Variants in LRRTM4 observed in about 807,000 individuals in gnomAD.
The protein encoded by LRRTM4 is leucine-rich repeat transmembrane neuronal protein 4.
Under a neutral mutation model 47.6 loss-of-function variants are expected in LRRTM4, and 25 were observed. That is an observed-to-expected ratio of 0.53 (90% confidence interval 0.38 to 0.73). The LOEUF is 0.73. Among genes scored for constraint, LRRTM4 ranks in the 30% least tolerant of loss-of-function variants. The pLI is 0.00. For synonymous variants in LRRTM4, 311 were observed against 269.5 expected, an observed-to-expected ratio of 1.15 and a Z score of -1.51; for missense variants, 638 against 713.4, an observed-to-expected ratio of 0.89 and a Z score of 1.20.
intron 3 of LRRTM4, among the ~76,000 whole-genome samples, chr2:77,003,006 C>T (rs1677488988): frequency 6.9e-6 from 1 of 145,410 alleles, no homozygotes; most frequent in Non-Finnish European, 1.5e-5. Flanking sequence ...ACAGTGGTAA[C>T]TTCAGTTATG....
At chr2:77,492,317 T>C (rs1678199576) in intron 3 of LRRTM4, among the ~76,000 whole-genome samples, 1 of 152,100 alleles carries the variant, frequency 6.6e-6, no homozygotes, top group Non-Finnish European at 1.5e-5. Context: ...TGGAGTGCCG[T>C]GGCATGAACA....
At chr2:77,243,265 C>T (rs1043203209) in intron 3 of LRRTM4, among the ~76,000 whole-genome samples, 30 of 151,818 alleles carry the variant, frequency 2.0e-4, no homozygotes, top group Non-Finnish European at 1.3e-4. Flanking sequence ...ACAAAATTAG[C>T]CGGGTGTGGT....
intron 3 of LRRTM4, among the ~76,000 whole-genome samples, chr2:76,852,833 G>T (rs1672037450): frequency 6.6e-6 from 1 of 152,150 alleles, no homozygotes; most frequent in African/African-American, 2.4e-5. Context: ...AAGAACAGGT[G>T]TGGAAAGGAG....
At chr2:77,110,522 C>G (rs577314251) in intron 3 of LRRTM4, among the ~76,000 whole-genome samples, 63 of 152,126 alleles carry the variant, frequency 4.1e-4, no homozygotes, top group Admixed American at 2.1e-3. Context: ...TGGATTTTTA[C>G]TTTATCTTTT....
At chr2:77,384,995 G>A (rs427294) in intron 3 of LRRTM4, among the ~76,000 whole-genome samples, 65,490 of 151,800 alleles carry the variant, frequency 0.43, 14,384 homozygotes, top group East Asian at 0.63. Flanking sequence ...TATAACCGGA[G>A]TTATGTTAAT....
chr2:77,121,113 A>G (rs1433640379), intron 3 of LRRTM4, among the ~76,000 whole-genome samples: 5 of 151,884 alleles, frequency 3.3e-5, no homozygotes, highest in African/African-American at 1.2e-4. Flanking sequence ...AGATAAAAGA[A>G]TTAGTTTTTT....
intron 3 of LRRTM4, among the ~76,000 whole-genome samples, chr2:77,411,618 A>ATTTT (rs1222177148): frequency 0.026 from 1,662 of 64,802 alleles, 77 homozygotes; most frequent in East Asian, 0.16. Context: ...ATGCCCGGCT[A>ATTTT]TTTTTTTTTT....
intron 3 of LRRTM4, among the ~76,000 whole-genome samples, chr2:77,270,976 C>G (rs890182379): frequency 6.6e-6 from 1 of 152,146 alleles, no homozygotes; most frequent in Non-Finnish European, 1.5e-5. Context: ...TATGAAGACC[C>G]CAGGCTCAGT....
chr2:77,219,744 T>A (rs1196056229), intron 3 of LRRTM4, among the ~76,000 whole-genome samples: 2 of 152,146 alleles, frequency 1.3e-5, no homozygotes, highest in Non-Finnish European at 2.9e-5. Context: ...GGGAGGTCAC[T>A]TTGGTGGCAA....
chr2:76,863,451 G>A (rs1386876933), intron 3 of LRRTM4, among the ~76,000 whole-genome samples: 1 of 152,118 alleles, frequency 6.6e-6, no homozygotes, highest in African/African-American at 2.4e-5. Context: ...AAGAAGCTTA[G>A]GCTGGTGTAT....
chr2:77,330,111 T>C (rs1005865368), intron 3 of LRRTM4, among the ~76,000 whole-genome samples: 5 of 152,140 alleles, frequency 3.3e-5, no homozygotes, highest in African/African-American at 4.8e-5. Context: ...CCTTGGATGA[T>C]AGAGTAACTG....
At chr2:77,291,402 G>A (rs1236880528) in intron 3 of LRRTM4, among the ~76,000 whole-genome samples, 1 of 151,990 alleles carries the variant, frequency 6.6e-6, no homozygotes, top group African/African-American at 2.4e-5. Flanking sequence ...ATTCTGCCAT[G>A]TGTATTTTTA....
At chr2:77,014,805 C>G (rs920843330) in intron 3 of LRRTM4, among the ~76,000 whole-genome samples, 2 of 151,876 alleles carry the variant, frequency 1.3e-5, no homozygotes, top group Admixed American at 1.3e-4. Context: ...GAGTGAGACT[C>G]TGTCTCAAAG....
chr2:77,291,831 C>T (rs933587680), intron 3 of LRRTM4, among the ~76,000 whole-genome samples: 9 of 151,850 alleles, frequency 5.9e-5, no homozygotes, highest in Non-Finnish European at 1.2e-4. Context: ...CAACAAAAGC[C>T]AAAATTGAAA....
chr2:76,763,316 C>A (rs538094061), intron 3 of LRRTM4, among the ~76,000 whole-genome samples: 2 of 152,200 alleles, frequency 1.3e-5, no homozygotes, highest in East Asian at 3.9e-4. Flanking sequence ...GGCAATGGGG[C>A]CTCTAAGGAA....
chr2:77,181,339 C>T (rs1404949730), intron 3 of LRRTM4, among the ~76,000 whole-genome samples: 1 of 152,122 alleles, frequency 6.6e-6, no homozygotes, highest in Non-Finnish European at 1.5e-5. Flanking sequence ...GAGCAAATCT[C>T]AGTATCACTA....
intron 3 of LRRTM4, among the ~76,000 whole-genome samples, chr2:77,411,618 A>ATTTTTT (rs1222177148): frequency 4.2e-4 from 27 of 64,800 alleles, no homozygotes; most frequent in Admixed American, 1.2e-3. Context: ...ATGCCCGGCT[A>ATTTTTT]TTTTTTTTTT....
intron 3 of LRRTM4, among the ~76,000 whole-genome samples, chr2:77,389,580 A>C (rs1673420051): frequency 6.6e-6 from 1 of 152,168 alleles, no homozygotes; most frequent in African/African-American, 2.4e-5. Flanking sequence ...TTATTCATTT[A>C]GCAGAGTGGA....
intron 3 of LRRTM4, among the ~76,000 whole-genome samples, chr2:76,810,098 G>C (rs1177723212): frequency 6.6e-6 from 1 of 152,136 alleles, no homozygotes; most frequent in African/African-American, 2.4e-5. Context: ...GAATGTAAAT[G>C]AAATGAAGAC....
Sources: allele counts gnomAD v4.1 joint callset (sites outside exome capture counted in the v4.1 genomes callset), GRCh38; gene constraint gnomAD v4.1.1; transcripts MANE v1.5; gene names NCBI Gene and HGNC (gene_info 2026-07-23, HGNC 2026-07-21).